Variants in SASH1 observed in about 807,000 individuals in gnomAD.
The protein encoded by SASH1 is SAM and SH3 domain-containing protein 1.
SASH1 carries 44 observed loss-of-function variants against 125.2 expected under a neutral mutation model. The observed-to-expected ratio is 0.35, with a 90% CI of 0.28 to 0.45. SASH1 has a LOEUF of 0.45. Among genes scored for constraint, SASH1 ranks in the 20% least tolerant of loss-of-function variants. The pLI is 1.00. For synonymous variants in SASH1, 639 were observed against 649.1 expected, an observed-to-expected ratio of 0.98 and a Z score of 0.24; for missense variants, 1,426 against 1,614.5, an observed-to-expected ratio of 0.88 and a Z score of 2.00.
At chr6:148,403,095 C>T (rs1291294457) in intron 2 of SASH1, among the ~76,000 whole-genome samples, 3 of 152,076 alleles carry the variant, frequency 2.0e-5, no homozygotes, top group African/African-American at 7.2e-5. Flanking sequence ...AGGCCAATGC[C>T]AAATCTTCCC....
chr6:148,206,915 C>G, the SASH1 span, among the ~76,000 whole-genome samples: 1 of 152,106 alleles, frequency 6.6e-6, no homozygotes. Context: ...TGTCCTCAGC[C>G]TTGTCCTCTA....
chr6:148,358,405 T>G (rs1380266168), intron 1 of SASH1, among the ~76,000 whole-genome samples: 1 of 152,162 alleles, frequency 6.6e-6, no homozygotes, highest in African/African-American at 2.4e-5. Flanking sequence ...GCAGGGAGGA[T>G]TGAAGCGGCT....
chr6:148,527,039 A>G (rs935436749), intron 11 of SASH1, among the ~76,000 whole-genome samples: 1 of 151,852 alleles, frequency 6.6e-6, no homozygotes, highest in African/African-American at 2.4e-5. Context: ...CGCCCAGCTA[A>G]TTTTTTGTAT....
chr6:148,198,473 A>G, the SASH1 span, among the ~76,000 whole-genome samples: 1 of 152,236 alleles, frequency 6.6e-6, no homozygotes, highest in African/African-American at 2.4e-5. Context: ...AGCATACTTC[A>G]GGTCAAGATG....
Position 148,519,523 on chromosome 6 carries a change from GAGACTC to G in SASH1, c.863-23_863-18del, listed in dbSNP as rs769188715. ...CAAGAATGCAAAGGTGTGTTCACAA[GAGACTC>G]TGTTGGTTTCCCTCCAGGTGGGGAG... is the stretch of plus-strand genomic sequence containing the variant. On this transcript the variant is annotated intron_variant, in intron 9 of 19. Coordinates refer to ENST00000367467, the MANE Select transcript of SASH1 (RefSeq NM_015278.5). The surrounding 1 kb of genome is among the most constrained non-coding windows in gnomAD (Gnocchi z 4.8). 1.9e-6 allele frequency: 3 copies of G among 1,577,104 alleles called. No individual in the cohort carries two copies. In the Admixed American group the frequency reaches 5.0e-5, roughly 27 times the overall value.
chr6:148,224,395 C>G, the SASH1 span, among the ~76,000 whole-genome samples: 2 of 151,552 alleles, frequency 1.3e-5, no homozygotes, highest in Non-Finnish European at 2.9e-5. Flanking sequence ...GATTCTTGCT[C>G]TGTTGCCCGG....
intron 2 of SASH1, among the ~76,000 whole-genome samples, chr6:148,415,476 A>G (rs972980454): frequency 6.6e-6 from 1 of 152,236 alleles, no homozygotes; most frequent in Admixed American, 6.5e-5. Flanking sequence ...TGCAGGAAAT[A>G]TACATAAATT....
chr6:148,481,030 G>C (rs1335151772), intron 7 of SASH1, among the ~76,000 whole-genome samples: 1 of 151,326 alleles, frequency 6.6e-6, no homozygotes, highest in Non-Finnish European at 1.5e-5. Context: ...ATGTTGCTTA[G>C]GGAGATCTAG....
Position 148,533,374 on chromosome 6 carries a change from A to T in SASH1, c.1735-397A>T, listed in dbSNP as rs1185817079. On this transcript the variant is annotated intron_variant, in intron 14 of 19. Transcript: ENST00000367467. The surrounding 1 kb of genome is among the most constrained non-coding windows in gnomAD (Gnocchi z 6.2). Reference sequence around the variant, plus strand: ...GTTCCACAAAGTGTGTGCAGCCATGACAGGGCCGGGATTGCCACTGGTTAG... The same window carrying T: ...GTTCCACAAAGTGTGTGCAGCCATGTCAGGGCCGGGATTGCCACTGGTTAG... 1.3e-5 allele frequency among the ~76,000 whole-genome samples: 2 copies of T among 152,150 alleles called. No individual in the cohort carries two copies. The highest frequency in any genetic ancestry group is 4.8e-5 in the African/African-American group (2 of 41,418).
At chr6:148,305,492 G>A (rs1338098035) in intron 1 of SASH1, among the ~76,000 whole-genome samples, 2 of 151,934 alleles carry the variant, frequency 1.3e-5, no homozygotes, top group Non-Finnish European at 2.9e-5. Flanking sequence ...ATGTGGTGGC[G>A]GGCACCTATA....
intron 8 of SASH1, among the ~76,000 whole-genome samples, chr6:148,492,645 C>T (rs940707380): frequency 1.3e-4 from 19 of 151,822 alleles, no homozygotes; most frequent in South Asian, 1.0e-3. Context: ...TGGTGAAACC[C>T]GGTCTCTACA....
At chr6:148,521,634 A>G (rs1389039090) in intron 10 of SASH1, among the ~76,000 whole-genome samples, 5 of 152,198 alleles carry the variant, frequency 3.3e-5, no homozygotes, top group Admixed American at 3.3e-4. Flanking sequence ...CTCTTTCTGT[A>G]TCATGGCAAC....
Position 148,488,509 on chromosome 6 carries a change from A to T in SASH1, c.729+794A>T, listed in dbSNP as rs572122871. Among the ~76,000 whole-genome samples the T allele has an allele frequency of 3.3e-5, 5 of 152,346 alleles. No individual in the cohort carries two copies. The East Asian group carries it at 9.6e-4, about 29-fold the overall frequency. On this transcript the variant is annotated intron_variant, in intron 8 of 19. Coordinates refer to ENST00000367467, the MANE Select transcript of SASH1 (RefSeq NM_015278.5). ...CAGTTCTTTTGCACATACCTAGCAC[A>T]TACCTAGGGGTAGAATTTCTGGATC...
chr6:148,402,941 T>A (rs1313147779), intron 2 of SASH1, among the ~76,000 whole-genome samples: 1 of 152,072 alleles, frequency 6.6e-6, no homozygotes, highest in Non-Finnish European at 1.5e-5. Context: ...ACATTAGAGT[T>A]GACATAGTTC....
At chr6:148,463,101 T>C (rs1341328608) in intron 4 of SASH1, among the ~76,000 whole-genome samples, 2 of 152,146 alleles carry the variant, frequency 1.3e-5, no homozygotes, top group African/African-American at 4.8e-5. Context: ...AAAGAAAATA[T>C]GGCAACCTAG....
In SASH1 at chr6:148,519,101, C is replaced by T. The variant is rs1197341648; in HGVS notation, c.863-446C>T. On this transcript the variant is annotated intron_variant, in intron 9 of 19. Coordinates refer to ENST00000367467, the MANE Select transcript of SASH1 (RefSeq NM_015278.5). The surrounding 1 kb of genome is among the most constrained non-coding windows in gnomAD (Gnocchi z 4.8). ...TATGTACCAATAAAACAATCACTGTCAGCCACATGACATTTATCACACTCC... is the reference window on the plus strand; with the variant it reads ...TATGTACCAATAAAACAATCACTGTTAGCCACATGACATTTATCACACTCC... Among the ~76,000 whole-genome samples, 1 of 152,218 alleles carries T rather than the reference C, an allele frequency of 6.6e-6. No homozygotes were observed. The highest frequency in any genetic ancestry group is 2.1e-4 in the South Asian group (1 of 4,834).
At chr6:148,333,199 G>A (rs1462700450) in intron 1 of SASH1, among the ~76,000 whole-genome samples, 1 of 151,738 alleles carries the variant, frequency 6.6e-6, no homozygotes, top group African/African-American at 2.4e-5. Context: ...CAAGGAGTTC[G>A]AGACCAGCCT....
At chr6:148,323,520 G>C (rs1780709408) in intron 1 of SASH1, among the ~76,000 whole-genome samples, 1 of 152,198 alleles carries the variant, frequency 6.6e-6, no homozygotes, top group Non-Finnish European at 1.5e-5. Flanking sequence ...CTATGGGCCA[G>C]GCTGACGCTG....
chr6:148,474,615 A>C (rs1300145766), intron 7 of SASH1, among the ~76,000 whole-genome samples: 2 of 152,234 alleles, frequency 1.3e-5, no homozygotes, highest in Non-Finnish European at 2.9e-5. Context: ...TATGTTGCCC[A>C]GACTGTAGTG....
Sources: allele counts gnomAD v4.1 joint callset (sites outside exome capture counted in the v4.1 genomes callset), GRCh38; gene constraint gnomAD v4.1.1; non-coding constraint Gnocchi (gnomAD v3.1); transcripts MANE v1.5; gene names NCBI Gene and HGNC (gene_info 2026-07-23, HGNC 2026-07-21).